RAI14: variants seen among roughly 807,000 people sequenced by gnomAD.
The protein encoded by RAI14 is ankycorbin.
In RAI14, 45 loss-of-function variants were observed where a neutral mutation model predicts 115.4. That is an observed-to-expected ratio of 0.39 (90% confidence interval 0.31 to 0.50). The LOEUF (loss-of-function observed/expected upper bound fraction) is 0.50. Ranked by LOEUF, RAI14 falls within the 20% of genes least tolerant of loss-of-function variation. The pLI is 0.85. For synonymous variants in RAI14, 371 were observed against 415.4 expected (o/e 0.89, Z 1.30); for missense variants, 939 against 1,131.2 (o/e 0.83, Z 2.44).
chr5:34,717,601 G>T (rs1208115089), intron 2 of RAI14, among the ~76,000 whole-genome samples: 1 of 152,118 alleles, frequency 6.6e-6, no homozygotes, highest in African/African-American at 2.4e-5. Flanking sequence ...CCTGAGCAAG[G>T]CCTCCTTAAG....
At chr5:34,679,267 A>G (rs1207940193) in intron 1 of RAI14, among the ~76,000 whole-genome samples, 2 of 152,216 alleles carry the variant, frequency 1.3e-5, no homozygotes, top group African/African-American at 4.8e-5. Context: ...AATTTGCACC[A>G]TGGGCTAAAA....
chr5:34,801,843 G>A (rs1318081376), intron 4 of RAI14, among the ~76,000 whole-genome samples: 1 of 152,152 alleles, frequency 6.6e-6, no homozygotes, highest in African/African-American at 2.4e-5. Flanking sequence ...GGCCGAGGCA[G>A]GAGGATTGCT....
At chr5:34,798,883 A>G (rs1753857913) in intron 4 of RAI14, among the ~76,000 whole-genome samples, 2 of 152,206 alleles carry the variant, frequency 1.3e-5, no homozygotes, top group Non-Finnish European at 2.9e-5. Flanking sequence ...ACATTGTCCA[A>G]ACATTCCATG....
At chr5:34,810,884 G>T in intron 7 of RAI14, 128 bp from the exon 8 acceptor site, 2 of 1,391,818 alleles carry the variant, frequency 1.4e-6, no homozygotes, top group Non-Finnish European at 2.0e-6. Flanking sequence ...ATATCAGGTT[G>T]GACCAGATAC....
At chr5:34,698,160 T>TCCCTG (rs1739551461) in intron 2 of RAI14, among the ~76,000 whole-genome samples, 1 of 20,420 alleles carries the variant, frequency 4.9e-5, no homozygotes, top group Admixed American at 6.5e-4. Context: ...CCTCCCTTCC[T>TCCCTG]CCCTCCCCTC....
intron 2 of RAI14, among the ~76,000 whole-genome samples, chr5:34,740,658 G>A (rs553177809): frequency 6.6e-6 from 1 of 152,274 alleles, no homozygotes; most frequent in Non-Finnish European, 1.5e-5. Flanking sequence ...CCGTGATGAA[G>A]AGGGCCATCT....
intron 1 of RAI14, among the ~76,000 whole-genome samples, chr5:34,662,721 A>AGTTTTT (rs1554037173): frequency 1.1e-5 from 1 of 91,886 alleles, no homozygotes; most frequent in Non-Finnish European, 2.0e-5. Context: ...ATTTAAACAG[A>AGTTTTT]TTTTTTTTTT....
Position 34,808,603 on chromosome 5 carries a change from A to G in RAI14, c.399A>G (p.Gln133=). 6.2e-7 allele frequency: 1 copy of G among 1,614,210 alleles called. No homozygotes were observed. Among genetic ancestry groups the G allele is most frequent in the Non-Finnish European group, 8.5e-7 (1 of 1,180,036 alleles). Reference sequence around the variant, plus strand: ...CCCCAGCGGCTCAGGGCTGCCTTCAAGCTGTGCAGATTCTCTGCGAACACA... The same window carrying G: ...CCCCAGCGGCTCAGGGCTGCCTTCAGGCTGTGCAGATTCTCTGCGAACACA... ...LHYAAAQGCL[Q]AVQILCEHKS... The change falls in exon 7 of 18, where the codon CAA becomes CAG. Residue 133 remains glutamine (Q), a synonymous_variant. Coordinates refer to ENST00000265109, the MANE Select transcript of RAI14 (RefSeq NM_015577.3).
intron 1 of RAI14, chr5:34,659,222 A>G (rs1044398313): frequency 6.6e-6 from 1 of 152,230 alleles, no homozygotes; most frequent in African/African-American, 2.4e-5. Context: ...TGAAAAAAGT[A>G]TAGTATATTT....
intron 2 of RAI14, among the ~76,000 whole-genome samples, chr5:34,748,845 A>C (rs1303275267): frequency 2.0e-5 from 3 of 152,100 alleles, no homozygotes; most frequent in African/African-American, 7.2e-5. Context: ...AATTTGGGAA[A>C]GGCTATACTG....
intron 2 of RAI14, among the ~76,000 whole-genome samples, chr5:34,735,701 T>C (rs1371877950): frequency 6.6e-6 from 1 of 152,262 alleles, no homozygotes; most frequent in Non-Finnish European, 1.5e-5. Context: ...TGGTCTATTT[T>C]GTAATTTGTT....
At chr5:34,684,812 T>C (rs1017679659) in intron 1 of RAI14, 2 of 152,182 alleles carry the variant, frequency 1.3e-5, no homozygotes, top group African/African-American at 4.8e-5. Flanking sequence ...TGTGGGGGAA[T>C]GTGAGAGGAC....
chr5:34,736,348 C>T (rs535937608), intron 2 of RAI14, among the ~76,000 whole-genome samples: 3 of 152,162 alleles, frequency 2.0e-5, no homozygotes, highest in Admixed American at 1.3e-4. Context: ...TGCAGTGAGC[C>T]GAGATCGCTC....
chr5:34,671,722 C>G (rs2149856414), intron 1 of RAI14, among the ~76,000 whole-genome samples: 1 of 152,086 alleles, frequency 6.6e-6, no homozygotes, highest in East Asian at 1.9e-4. Context: ...CCATATAAAA[C>G]TTACTAATGA....
chr5:34,794,754 C>T (rs1753308932), intron 3 of RAI14, among the ~76,000 whole-genome samples: 1 of 152,154 alleles, frequency 6.6e-6, no homozygotes. Flanking sequence ...TGAAGTATTC[C>T]TATTTGTTGA....
Position 34,806,598 on chromosome 5 carries a change from G to A in RAI14, c.322-1202G>A, listed in dbSNP as rs113677014. 2.7e-3 allele frequency among the ~76,000 whole-genome samples: 406 copies of A among 152,142 alleles called. 4 individuals are homozygous for A. Among genetic ancestry groups the A allele is most frequent in the African/African-American group, 9.3e-3 (384 of 41,494 alleles). On this transcript the variant is annotated intron_variant, in intron 5 of 17. Coordinates refer to ENST00000265109, the MANE Select transcript of RAI14 (RefSeq NM_015577.3). ...GGCATGGTGGTCCACTACATGTGGG[G>A]TGAGGAAGAGGGGTCGGGGAAGGGG... is the stretch of plus-strand genomic sequence containing the variant.
intron 3 of RAI14, among the ~76,000 whole-genome samples, chr5:34,790,365 C>T (rs1425096409): frequency 2.6e-5 from 4 of 152,318 alleles, no homozygotes; most frequent in Admixed American, 1.3e-4. Context: ...AAAGTCATTT[C>T]GTTGTCTGAT....
At chr5:34,806,328 TTCA>T (rs1446217826) in intron 5 of RAI14, among the ~76,000 whole-genome samples, 75 of 152,246 alleles carry the variant, frequency 4.9e-4, no homozygotes, top group Admixed American at 1.8e-3. Context: ...TTGACTGCAG[TTCA>T]TCCTAAGTAC....
intron 3 of RAI14, among the ~76,000 whole-genome samples, chr5:34,788,072 A>T (rs1220676093): frequency 6.6e-6 from 1 of 150,922 alleles, no homozygotes; most frequent in Non-Finnish European, 1.5e-5. Context: ...ATGTGCTACC[A>T]CACCTGGCTA....
Sources: allele counts gnomAD v4.1 joint callset (sites outside exome capture counted in the v4.1 genomes callset), GRCh38; gene constraint gnomAD v4.1.1; transcripts MANE v1.5; gene names NCBI Gene and HGNC (gene_info 2026-07-23, HGNC 2026-07-21).